LCORL: variants seen among roughly 807,000 people sequenced by gnomAD.
The protein encoded by LCORL is ligand dependent nuclear receptor corepressor like.
LCORL carries 41 observed loss-of-function variants against 141.8 expected under a neutral mutation model. The observed-to-expected ratio is 0.29, with a 90% CI of 0.23 to 0.38. The LOEUF is 0.38. Among genes scored for constraint, LCORL ranks in the 10% least tolerant of loss-of-function variants. The pLI is 1.00. For synonymous variants in LCORL, 618 were observed against 694.1 expected (o/e 0.89, Z 1.72); for missense variants, 1,759 against 2,035.0 (o/e 0.86, Z 2.61).
At chr4:18,020,993 C>T (rs1239593505) in intron 1 of LCORL, among the ~76,000 whole-genome samples, 2 of 152,120 alleles carry the variant, frequency 1.3e-5, no homozygotes, top group South Asian at 2.1e-4. Context: ...CAGAGTTGGG[C>T]GCCCCCCGCC....
At chr4:17,901,863 A>G (rs1394193796) in intron 5 of LCORL, among the ~76,000 whole-genome samples, 1 of 152,150 alleles carries the variant, frequency 6.6e-6, no homozygotes, top group Non-Finnish European at 1.5e-5. Context: ...CTACAAAACA[A>G]TATAGGATAT....
At chr4:17,877,901 G>T in exon 7 of LCORL, 5 of 1,230,592 alleles carry the variant, frequency 4.1e-6, no homozygotes, top group Non-Finnish European at 5.1e-6. Context: ...CTTTAATACA[G>T]ACTGGCAGAG....
chr4:17,883,962 G>T (rs1402703467), intron 6 of LCORL: 2 of 1,550,544 alleles, frequency 1.3e-6, no homozygotes, highest in Non-Finnish European at 1.7e-6. Context: ...TCATATTGCC[G>T]ATAGCGGCCA....
intron 1 of LCORL, among the ~76,000 whole-genome samples, chr4:18,014,109 G>C (rs1182774443): frequency 6.6e-6 from 1 of 152,034 alleles, no homozygotes; most frequent in Non-Finnish European, 1.5e-5. Context: ...TGCCCGGCCT[G>C]CAATTTAATT....
At position 17,916,164 on chromosome 4, in the gene LCORL, C is replaced by G. The variant is rs536349219; in HGVS notation, c.431-6819G>C. 2.0e-5 allele frequency among the ~76,000 whole-genome samples: 3 copies of G among 152,324 alleles called. No individual in the cohort carries two copies. The East Asian group carries it at 5.8e-4, about 29-fold the overall frequency. On this transcript the variant is annotated intron_variant, in intron 4 of 7. Coordinates refer to ENST00000635767, the Ensembl canonical transcript of LCORL. ...CACCATGATTGCGTCCTTGACCCTT[C>G]CCTAATTTTTGTTTTCTTACACACT...
At chr4:17,998,647 T>C (rs1010070319) in intron 1 of LCORL, among the ~76,000 whole-genome samples, 3 of 152,044 alleles carry the variant, frequency 2.0e-5, no homozygotes, top group African/African-American at 7.2e-5. Flanking sequence ...GAAGGACTTT[T>C]TTTTCTAAAT....
chr4:17,970,355 C>G (rs780706659), intron 2 of LCORL, among the ~76,000 whole-genome samples: 10 of 152,176 alleles, frequency 6.6e-5, no homozygotes, highest in Admixed American at 5.9e-4. Flanking sequence ...AACAGCTAAC[C>G]TGTTTATGTG....
intron 7 of LCORL, among the ~76,000 whole-genome samples, chr4:17,847,099 CTG>C (rs1456879903): frequency 5.3e-5 from 8 of 152,228 alleles, no homozygotes; most frequent in East Asian, 1.9e-4. Flanking sequence ...CTAGTCCACT[CTG>C]TGTAATGAAT....
exon 7 of LCORL, chr4:17,876,787 G>C: frequency 8.1e-7 from 1 of 1,230,724 alleles, no homozygotes. Flanking sequence ...GATTTCTCCT[G>C]TGGCTTTCTT....
intron 1 of LCORL, among the ~76,000 whole-genome samples, chr4:17,988,332 G>A (rs1719369563): frequency 6.6e-6 from 1 of 152,170 alleles, no homozygotes. Context: ...CTGAAGTCCA[G>A]TGGCACTATC....
exon 8 of LCORL, chr4:17,842,509 C>A: frequency 1.4e-6 from 1 of 728,850 alleles, no homozygotes; most frequent in South Asian, 1.8e-5. Flanking sequence ...AAATAGCTGT[C>A]TTAGGTATAT....
chr4:17,989,265 A>C (rs1206541746), intron 1 of LCORL, among the ~76,000 whole-genome samples: 1 of 152,222 alleles, frequency 6.6e-6, no homozygotes, highest in Non-Finnish European at 1.5e-5. Flanking sequence ...ATTACAATGA[A>C]GTTCTTCTAA....
At chr4:18,001,644 G>C (rs1381119459) in intron 1 of LCORL, among the ~76,000 whole-genome samples, 2 of 152,138 alleles carry the variant, frequency 1.3e-5, no homozygotes, top group South Asian at 4.1e-4. Context: ...GACAGAGAAA[G>C]GCACAGATCT....
At chr4:17,901,163 GA>G (rs144273681) in intron 5 of LCORL, among the ~76,000 whole-genome samples, 15 of 145,136 alleles carry the variant, frequency 1.0e-4, no homozygotes, top group East Asian at 2.0e-4. Flanking sequence ...CTTATATGAA[GA>G]AAAAAAAAAG....
intron 4 of LCORL, among the ~76,000 whole-genome samples, chr4:17,959,347 C>T (rs1713322878): frequency 6.6e-6 from 1 of 152,008 alleles, no homozygotes; most frequent in South Asian, 2.1e-4. Flanking sequence ...TCTAGGTGCT[C>T]CTCACACAGA....
At chr4:17,996,778 T>G (rs1219127125) in intron 1 of LCORL, among the ~76,000 whole-genome samples, 2 of 152,098 alleles carry the variant, frequency 1.3e-5, no homozygotes, top group African/African-American at 4.8e-5. Context: ...TACAGAAAAT[T>G]CCAGGTTCAC....
intron 4 of LCORL, among the ~76,000 whole-genome samples, chr4:17,938,116 C>A (rs1395652090): frequency 1.3e-5 from 2 of 151,020 alleles, no homozygotes; most frequent in African/African-American, 4.9e-5. Flanking sequence ...AGCAATTCTC[C>A]GGCCTCAGCC....
intron 1 of LCORL, among the ~76,000 whole-genome samples, chr4:18,018,890 C>T (rs373586061): frequency 2.6e-5 from 4 of 152,054 alleles, no homozygotes; most frequent in African/African-American, 7.2e-5. Context: ...CATATGTGTA[C>T]GCATATATAT....
At position 17,884,749 on chromosome 4, in the gene LCORL, T is replaced by A. The variant is rs1464338154; in HGVS notation, c.776+1319A>T. The A allele has an allele frequency of 6.9e-7, 1 of 1,442,012 alleles. No homozygotes were observed. The allele number at this position is 1,442,012 out of a possible 1,614,324, so 89.3% of individuals were successfully genotyped here. ...CATAGTCCTCTCTGTTTCTGTGTAG[T>A]CTCCTGGATGGATGGAATGAAACGA... On this transcript the variant is annotated intron_variant, in intron 6 of 7. Coordinates refer to ENST00000635767, the Ensembl canonical transcript of LCORL. This position sits in a 1 kb window ranked among gnomAD's most constrained non-coding sequence, Gnocchi z 4.4.
Sources: allele counts gnomAD v4.1 joint callset (sites outside exome capture counted in the v4.1 genomes callset), GRCh38; gene constraint gnomAD v4.1.1; non-coding constraint Gnocchi (gnomAD v3.1); transcripts MANE v1.5; gene names NCBI Gene and HGNC (gene_info 2026-07-23, HGNC 2026-07-21).